Variants in XKR9 observed in about 807,000 individuals in gnomAD.
The protein encoded by XKR9 is XK related 9, also known as XK-related protein 9.
XKR9 carries 32 observed loss-of-function variants against 32.0 expected under a neutral mutation model. That is an observed-to-expected ratio of 1.00 (90% CI 0.76 to 1.34). The LOEUF is 1.34. XKR9 is among the 40% of genes most tolerant of loss of function. The probability of loss-of-function intolerance (pLI) is 0.00; values close to 1 mark genes in which losing one functional copy is unlikely to be tolerated. For synonymous variants in XKR9, 168 were observed against 143.4 expected (o/e 1.17, Z -1.22); for missense variants, 546 against 429.7 (o/e 1.27, Z -2.39).
At chr8:70,740,815 G>C (rs1031075928), downstream of XKR9, among the ~76,000 whole-genome samples, 2 of 152,168 alleles carry the variant, frequency 1.3e-5, no homozygotes, top group African/African-American at 2.4e-5. Context: ...CTGTCTGATC[G>C]TTCCTCTGAA....
In XKR9 at chr8:70,707,148, G is replaced by T. The variant is rs1224299346; in HGVS notation, c.488G>T (p.Ser163Ile). The change falls in exon 4 of 5, where the codon AGT becomes ATT. Residue 163 changes from serine to isoleucine, a missense_variant. Transcript: ENST00000408926. The part of the protein sequence containing the change: ...ILLEHGQANF[S>I]QYAAIMVSCC... Reference sequence around the variant, plus strand: ...CTGGAGCATGGACAAGCGAATTTCAGTCAGTGTAAGTTTTTCTTAACTCCT... The same window carrying T: ...CTGGAGCATGGACAAGCGAATTTCATTCAGTGTAAGTTTTTCTTAACTCCT... 3.1e-6 allele frequency: 5 copies of T among 1,612,194 alleles called. No homozygotes were observed. The highest frequency in any genetic ancestry group is 1.7e-5 in the Admixed American group (1 of 59,932).
Position 70,669,368 on chromosome 8 carries a change from C to A in XKR9, c.-531C>A. 1 of 477,056 alleles carries A rather than the reference C, an allele frequency of 2.1e-6. No individual in the cohort carries two copies. Among genetic ancestry groups the A allele is most frequent in the East Asian group, 4.1e-5 (1 of 24,610 alleles). The allele number at this position is 477,056 out of a possible 1,614,324, so 29.6% of individuals were successfully genotyped here. A position where few individuals can be genotyped will look rare whatever the true frequency, so the allele number is the denominator to read the frequency against. On this transcript the variant is annotated 5_prime_UTR_variant, in exon 1 of 5. Coordinates refer to ENST00000408926, the MANE Select transcript of XKR9 (RefSeq NM_001011720.2). Reference sequence around the variant, plus strand: ...GTCACGTGACGCCGCGCGGGCTGCGCGGGCAGTGGTGGGAAGGCTGGCGCG... The same window carrying A: ...GTCACGTGACGCCGCGCGGGCTGCGAGGGCAGTGGTGGGAAGGCTGGCGCG...
chr8:71,057,642 G>A, the XKR9 span, among the ~76,000 whole-genome samples: 1 of 152,158 alleles, frequency 6.6e-6, no homozygotes, highest in Non-Finnish European at 1.5e-5. Context: ...CACAGTGTCA[G>A]AACTGAGCAA....
At chr8:71,022,794 A>G in the XKR9 span, among the ~76,000 whole-genome samples, 1 of 152,096 alleles carries the variant, frequency 6.6e-6, no homozygotes, top group Non-Finnish European at 1.5e-5. Flanking sequence ...GGCCTTCTTC[A>G]TTCTTTTGTT....
At chr8:70,687,389 T>TC (rs1563422935) in intron 3 of XKR9, among the ~76,000 whole-genome samples, 4 of 149,384 alleles carry the variant, frequency 2.7e-5, no homozygotes, top group East Asian at 2.0e-4. Context: ...TTCTTTCTCT[T>TC]TCTCTTTCTC....
At chr8:70,994,882 C>A in the XKR9 span, among the ~76,000 whole-genome samples, 2 of 151,878 alleles carry the variant, frequency 1.3e-5, no homozygotes, top group Admixed American at 1.3e-4. Flanking sequence ...AAGTGACAGG[C>A]AAATGAAAAG....
intron 2 of XKR9, among the ~76,000 whole-genome samples, chr8:70,741,453 C>T (rs548142309): frequency 3.7e-4 from 57 of 152,290 alleles, no homozygotes; most frequent in African/African-American, 9.1e-4. Context: ...TGGTATTCAG[C>T]GGAAAACAGA....
At chr8:70,871,135 G>T in the XKR9 span, among the ~76,000 whole-genome samples, 1 of 152,028 alleles carries the variant, frequency 6.6e-6, no homozygotes, top group East Asian at 1.9e-4. Context: ...AAACTCAGAT[G>T]TTGCATAATG....
chr8:70,787,967 A>C (rs1180763460), intron 2 of XKR9, among the ~76,000 whole-genome samples: 1 of 152,100 alleles, frequency 6.6e-6, no homozygotes, highest in Admixed American at 6.6e-5. Context: ...ATCATTTGTG[A>C]CTAACGGTAA....
At position 70,681,013 on chromosome 8, in the gene XKR9, T is replaced by C; in HGVS notation, c.-46T>C. 1 of 1,551,942 alleles carries C rather than the reference T, an allele frequency of 6.4e-7. No homozygotes were observed. The highest frequency in any genetic ancestry group is 1.9e-5 in the Admixed American group (1 of 51,504). On this transcript the variant is annotated 5_prime_UTR_variant, in exon 3 of 5. Coordinates refer to ENST00000408926, the MANE Select transcript of XKR9 (RefSeq NM_001011720.2). ...ATTTGTTTGGCTTTTTTTCCCTTTT[T>C]GTGAGGGAGAAAAAAGTAGATAACG...
At chr8:70,970,551 G>A in the XKR9 span, among the ~76,000 whole-genome samples, 1 of 152,000 alleles carries the variant, frequency 6.6e-6, no homozygotes, top group Admixed American at 6.6e-5. Context: ...TCCCACTTAT[G>A]AATGAGAACA....
chr8:70,682,536 C>G (rs866801605), intron 3 of XKR9, among the ~76,000 whole-genome samples: 4 of 152,210 alleles, frequency 2.6e-5, no homozygotes, highest in Non-Finnish European at 5.9e-5. Flanking sequence ...CTTGATACAC[C>G]TAGTAATTTT....
chr8:70,931,709 T>G, the XKR9 span, among the ~76,000 whole-genome samples: 1 of 152,196 alleles, frequency 6.6e-6, no homozygotes, highest in South Asian at 2.1e-4. Flanking sequence ...CTTACAATCA[T>G]GGCAGAGGCC....
chr8:70,713,462 A>T (rs1375371828), intron 4 of XKR9, among the ~76,000 whole-genome samples: 1 of 152,186 alleles, frequency 6.6e-6, no homozygotes, highest in Non-Finnish European at 1.5e-5. Context: ...CGTACTCAGC[A>T]GAAAGAAATT....
At chr8:71,023,197 T>C in the XKR9 span, among the ~76,000 whole-genome samples, 1 of 152,224 alleles carries the variant, frequency 6.6e-6, no homozygotes, top group Non-Finnish European at 1.5e-5. Context: ...TCCTGTGTCC[T>C]TTCACTGATT....
At chr8:70,939,101 C>T in the XKR9 span, among the ~76,000 whole-genome samples, 1 of 152,022 alleles carries the variant, frequency 6.6e-6, no homozygotes, top group East Asian at 1.9e-4. Flanking sequence ...TTGAAGCATG[C>T]ACTGACATGA....
chr8:70,927,631 T>C, the XKR9 span, among the ~76,000 whole-genome samples: 1 of 152,142 alleles, frequency 6.6e-6, no homozygotes, highest in Non-Finnish European at 1.5e-5. Flanking sequence ...AGGTCTCTGA[T>C]ACCTCTTTTA....
At chr8:70,806,580 C>A in the XKR9 span, among the ~76,000 whole-genome samples, 1 of 152,146 alleles carries the variant, frequency 6.6e-6, no homozygotes, top group South Asian at 2.1e-4. Flanking sequence ...TAAATGACCT[C>A]ATGGAGCTGG....
the XKR9 span, among the ~76,000 whole-genome samples, chr8:70,914,945 A>T: frequency 9.9e-5 from 15 of 152,208 alleles, no homozygotes; most frequent in South Asian, 6.2e-4. Context: ...CATGCAGGAT[A>T]ACTGGAGTTA....
Sources: allele counts gnomAD v4.1 joint callset (sites outside exome capture counted in the v4.1 genomes callset), GRCh38; gene constraint gnomAD v4.1.1; transcripts MANE v1.5; gene names NCBI Gene and HGNC (gene_info 2026-07-23, HGNC 2026-07-21).